The following PBX3 variants were observed in gnomAD, a reference collection of about 807,000 sequenced individuals.
The protein encoded by PBX3 is pre-B-cell leukemia transcription factor 3.
Under a neutral mutation model 48.5 loss-of-function variants are expected in PBX3, and 14 were observed. The ratio of observed to expected loss-of-function variants is 0.29; its 90% confidence interval spans 0.19 to 0.45. The LOEUF is 0.45. PBX3 is among the 20% of genes least tolerant of loss of function. The pLI, the probability that PBX3 is intolerant of heterozygous loss-of-function variation, is 1.00. For synonymous variants in PBX3, 210 were observed against 200.3 expected (o/e 1.05, Z -0.41); for missense variants, 386 against 546.7 (o/e 0.71, Z 2.93).
chr9:125,941,766 A>G (rs1319999647), intron 5 of PBX3, among the ~76,000 whole-genome samples: 2 of 152,250 alleles, frequency 1.3e-5, no homozygotes, highest in African/African-American at 4.8e-5. Flanking sequence ...AAATTGTCAC[A>G]TACTCTTAAT....
chr9:125,932,784 A>G (rs1841747046), intron 4 of PBX3, among the ~76,000 whole-genome samples: 1 of 152,198 alleles, frequency 6.6e-6, no homozygotes, highest in Non-Finnish European at 1.5e-5. Context: ...CTGCATTCAT[A>G]ATGTATACAC....
intron 2 of PBX3, among the ~76,000 whole-genome samples, chr9:125,791,902 A>G (rs1297391627): frequency 1.1e-4 from 16 of 151,810 alleles, no homozygotes; most frequent in Admixed American, 1.3e-4. Context: ...AAAAAAAAAA[A>G]GTTTCCTTAA....
chr9:125,917,642 G>A lies in PBX3; in HGVS notation c.516+1715G>A, dbSNP rs955572809. On this transcript the variant is annotated intron_variant, in intron 3 of 8. Coordinates refer to ENST00000373489, the MANE Select transcript of PBX3 (RefSeq NM_006195.6). ...CTGTATAGTTTCAATTATATATATCGTTGTTTTTTCACATTGCCTTTTCTA... is the reference window on the plus strand; with the variant it reads ...CTGTATAGTTTCAATTATATATATCATTGTTTTTTCACATTGCCTTTTCTA... 2.0e-5 allele frequency among the ~76,000 whole-genome samples: 3 copies of A among 151,712 alleles called. 1 individual carries two copies. The highest frequency in any genetic ancestry group is 4.2e-4 in the South Asian group (2 of 4,806).
chr9:125,945,779 C>CA (rs1842052845), intron 5 of PBX3, among the ~76,000 whole-genome samples: 1 of 152,158 alleles, frequency 6.6e-6, no homozygotes, highest in Non-Finnish European at 1.5e-5. Context: ...GCCTTCAGAT[C>CA]TGTTGGGAAA....
chr9:125,842,099 A>G (rs866806193), intron 2 of PBX3, among the ~76,000 whole-genome samples: 2 of 152,144 alleles, frequency 1.3e-5, no homozygotes, highest in African/African-American at 4.8e-5. Flanking sequence ...TCAAGTGTCA[A>G]TTTGTCTTCT....
chr9:125,805,323 G>A (rs1052381556), intron 2 of PBX3, among the ~76,000 whole-genome samples: 1 of 152,136 alleles, frequency 6.6e-6, no homozygotes, highest in East Asian at 1.9e-4. Flanking sequence ...ATGAGATGAG[G>A]TTGGGCAGAT....
chr9:125,767,539 G>C (rs1836831056), intron 2 of PBX3, among the ~76,000 whole-genome samples: 1 of 152,166 alleles, frequency 6.6e-6, no homozygotes, highest in Non-Finnish European at 1.5e-5. Context: ...TTTTAGTGTA[G>C]TTTCCTATGT....
intron 2 of PBX3, among the ~76,000 whole-genome samples, chr9:125,797,807 T>A (rs1397394818): frequency 6.6e-6 from 1 of 152,104 alleles, no homozygotes; most frequent in Non-Finnish European, 1.5e-5. Flanking sequence ...GGTCAGGAAA[T>A]CTTAAGGAAA....
intron 2 of PBX3, among the ~76,000 whole-genome samples, chr9:125,777,010 C>CTTTTTTTT (rs1299800849): frequency 6.6e-4 from 62 of 94,286 alleles, no homozygotes; most frequent in East Asian, 4.8e-3. Context: ...TTTTTCTTTT[C>CTTTTTTTT]TTTTCTTTTT....
At chr9:125,812,911 G>A (rs543036938) in intron 2 of PBX3, among the ~76,000 whole-genome samples, 1 of 152,184 alleles carries the variant, frequency 6.6e-6, no homozygotes, top group Non-Finnish European at 1.5e-5. Context: ...TGGTATAGCT[G>A]TATAGGGCAC....
intron 5 of PBX3, among the ~76,000 whole-genome samples, chr9:125,954,163 G>A (rs1275094757): frequency 6.6e-6 from 1 of 152,158 alleles, no homozygotes; most frequent in Non-Finnish European, 1.5e-5. Context: ...AAATATTGGT[G>A]ATAACCAAAC....
intron 2 of PBX3, among the ~76,000 whole-genome samples, chr9:125,775,079 C>T (rs969927113): frequency 6.6e-6 from 1 of 152,118 alleles, no homozygotes; most frequent in African/African-American, 2.4e-5. Flanking sequence ...GTTGGCCAGG[C>T]TGGTCTCAAA....
chr9:125,747,450 C>G lies in PBX3; in HGVS notation c.-4C>G. On this transcript the variant is annotated 5_prime_UTR_variant, in exon 1 of 9. Transcript: ENST00000373489. ...GCCGCCCGCTCCCGCCCGCGCGCGG[C>G]GGGATGGACGATCAATCCAGGATGC... The G allele has an allele frequency of 6.7e-7, 1 of 1,491,390 alleles. No homozygotes were observed. Among genetic ancestry groups the G allele is most frequent in the Non-Finnish European group, 8.9e-7 (1 of 1,118,266 alleles). 92.4% of individuals were successfully genotyped at this position (1,491,390 alleles called of 1,614,324 possible). A position where few individuals can be genotyped will look rare whatever the true frequency, so the allele number is the denominator to read the frequency against.
At chr9:125,933,908 C>G (rs1018199377) in intron 4 of PBX3, among the ~76,000 whole-genome samples, 5 of 152,132 alleles carry the variant, frequency 3.3e-5, no homozygotes, top group African/African-American at 7.2e-5. Context: ...CAGAGTGTAC[C>G]TCTTCAATGT....
At chr9:125,804,312 C>T (rs1838055307) in intron 2 of PBX3, among the ~76,000 whole-genome samples, 1 of 152,164 alleles carries the variant, frequency 6.6e-6, no homozygotes, top group Admixed American at 6.5e-5. Context: ...TTAAGTGTCA[C>T]AATCCAGAGC....
intron 5 of PBX3, among the ~76,000 whole-genome samples, chr9:125,955,758 G>A (rs925158360): frequency 2.0e-5 from 3 of 152,174 alleles, no homozygotes; most frequent in South Asian, 2.1e-4. Flanking sequence ...TGCTTTTAGA[G>A]TCTCCGCTCT....
intron 2 of PBX3, among the ~76,000 whole-genome samples, chr9:125,880,135 C>T (rs1840348110): frequency 1.3e-5 from 2 of 152,202 alleles, no homozygotes; most frequent in Non-Finnish European, 2.9e-5. Flanking sequence ...CCCTCCGCCT[C>T]CCGGGTTCAA....
At chr9:125,910,219 A>G (rs561237537) in intron 2 of PBX3, among the ~76,000 whole-genome samples, 3 of 152,282 alleles carry the variant, frequency 2.0e-5, no homozygotes, top group East Asian at 1.9e-4. Context: ...TGAAGTAATC[A>G]TTTTTATTCC....
At chr9:125,840,320 A>C (rs553709153) in intron 2 of PBX3, among the ~76,000 whole-genome samples, 10 of 152,078 alleles carry the variant, frequency 6.6e-5, no homozygotes, top group African/African-American at 2.4e-4. Flanking sequence ...CAATGAATTT[A>C]TTTAATAGTG....
Sources: allele counts gnomAD v4.1 joint callset (sites outside exome capture counted in the v4.1 genomes callset), GRCh38; gene constraint gnomAD v4.1.1; transcripts MANE v1.5; gene names NCBI Gene and HGNC (gene_info 2026-07-23, HGNC 2026-07-21).